Variants in CCSER1 observed in about 807,000 individuals in gnomAD.
CCSER1 encodes coiled-coil serine rich protein 1.
A neutral mutation model predicts 82.0 loss-of-function variants in CCSER1; 41 were observed. The ratio of observed to expected loss-of-function variants is 0.50; its 90% confidence interval spans 0.39 to 0.65. The LOEUF (loss-of-function observed/expected upper bound fraction) is 0.65. CCSER1 is among the 30% of genes least tolerant of loss of function. The probability of loss-of-function intolerance (pLI) is 0.00; values close to 1 mark genes in which losing one functional copy is unlikely to be tolerated. For synonymous variants in CCSER1, 414 were observed against 383.9 expected (o/e 1.08, Z -0.92); for missense variants, 1,119 against 1,064.2 (o/e 1.05, Z -0.72).
intron 10 of CCSER1, among the ~76,000 whole-genome samples, chr4:91,577,685 C>T (rs1046911465): frequency 2.6e-5 from 4 of 152,066 alleles, no homozygotes; most frequent in Middle Eastern, 3.4e-3. Flanking sequence ...TTGAATATTG[C>T]ATTTTATTCA....
At chr4:90,240,214 A>G (rs1746583239) in intron 1 of CCSER1, among the ~76,000 whole-genome samples, 1 of 152,144 alleles carries the variant, frequency 6.6e-6, no homozygotes, top group Non-Finnish European at 1.5e-5. Flanking sequence ...AGAGGACATG[A>G]GCACCCTCCA....
At chr4:90,155,739 T>G (rs1463641811) in intron 1 of CCSER1, among the ~76,000 whole-genome samples, 1 of 152,178 alleles carries the variant, frequency 6.6e-6, no homozygotes, top group African/African-American at 2.4e-5. Context: ...CATTTTTTAT[T>G]GCGTTTATTT....
At chr4:90,136,887 ACTAGCT>A (rs1294036189) in intron 1 of CCSER1, among the ~76,000 whole-genome samples, 1 of 152,198 alleles carries the variant, frequency 6.6e-6, no homozygotes, top group Admixed American at 6.5e-5. Context: ...GGAGGAAAAT[ACTAGCT>A]CTAAACAAGA....
At chr4:90,544,658 G>C (rs904932825) in intron 5 of CCSER1, among the ~76,000 whole-genome samples, 1 of 151,918 alleles carries the variant, frequency 6.6e-6, no homozygotes, top group Non-Finnish European at 1.5e-5. Context: ...CTGAAATTGT[G>C]ACTGAAGAAC....
At chr4:91,411,200 A>T (rs2149371397) in intron 10 of CCSER1, among the ~76,000 whole-genome samples, 1 of 151,880 alleles carries the variant, frequency 6.6e-6, no homozygotes, top group South Asian at 2.1e-4. Context: ...GCATCTGGAG[A>T]AAAGAGGCTT....
At chr4:90,156,525 A>G (rs1187096851) in intron 1 of CCSER1, among the ~76,000 whole-genome samples, 2 of 152,108 alleles carry the variant, frequency 1.3e-5, no homozygotes, top group Non-Finnish European at 2.9e-5. Flanking sequence ...TTTGTAGGTC[A>G]CTGAGGACTT....
At chr4:90,741,906 A>C (rs1746616502) in intron 7 of CCSER1, among the ~76,000 whole-genome samples, 1 of 152,194 alleles carries the variant, frequency 6.6e-6, no homozygotes, top group African/African-American at 2.4e-5. Context: ...GTATTAGTTC[A>C]TTCTCACACT....
intron 8 of CCSER1, among the ~76,000 whole-genome samples, chr4:90,879,540 G>T (rs1050897553): frequency 9.2e-6 from 1 of 108,858 alleles, no homozygotes; most frequent in Non-Finnish European, 1.9e-5. Flanking sequence ...GGAAGAAGAA[G>T]AAAGAAGAAG....
intron 9 of CCSER1, among the ~76,000 whole-genome samples, chr4:90,954,789 T>TA (rs5860212): frequency 0.75 from 113,147 of 151,066 alleles, 43,060 homozygotes; most frequent in Non-Finnish European, 0.82. Context: ...GTACATTTAC[T>TA]AAAAAAAAAT....
intron 10 of CCSER1, among the ~76,000 whole-genome samples, chr4:91,424,821 A>G (rs767302106): frequency 3.3e-5 from 5 of 152,096 alleles, no homozygotes; most frequent in Non-Finnish European, 7.4e-5. Flanking sequence ...ATTAATAGCT[A>G]TTGTTTAATT....
rs561309384 is a variant in CCSER1, at chr4:90,919,393, A to C, written c.2095-3977A>C. Among the ~76,000 whole-genome samples the C allele has an allele frequency of 2.6e-5, 4 of 151,996 alleles. No homozygotes were observed. In the East Asian group the frequency reaches 7.7e-4, roughly 29 times the overall value. ...TGTGTGATATTTACCAACTGATATTAACAAAGTATCAGTTTGCTGTTTTTT... is the reference window on the plus strand; with the variant it reads ...TGTGTGATATTTACCAACTGATATTCACAAAGTATCAGTTTGCTGTTTTTT... On this transcript the variant is annotated intron_variant, in intron 8 of 10. Transcript: ENST00000509176.
At chr4:90,900,099 T>G (rs1188278190) in intron 8 of CCSER1, among the ~76,000 whole-genome samples, 1 of 148,776 alleles carries the variant, frequency 6.7e-6, no homozygotes, top group African/African-American at 2.4e-5. Flanking sequence ...CCAGAGTTTT[T>G]TTTTTTTTTT....
intron 10 of CCSER1, among the ~76,000 whole-genome samples, chr4:91,580,560 G>A (rs1224492841): frequency 6.6e-6 from 1 of 151,748 alleles, no homozygotes; most frequent in Non-Finnish European, 1.5e-5. Context: ...AGTCTGAAAT[G>A]TTTTGCATCA....
intron 5 of CCSER1, among the ~76,000 whole-genome samples, chr4:90,616,086 T>A (rs558451501): frequency 6.6e-5 from 10 of 152,356 alleles, no homozygotes; most frequent in South Asian, 2.1e-4. Context: ...AAATTATTTT[T>A]AAATTAAGGC....
intron 10 of CCSER1, among the ~76,000 whole-genome samples, chr4:91,585,601 A>G (rs1239887129): frequency 1.3e-5 from 2 of 151,538 alleles, no homozygotes; most frequent in Non-Finnish European, 3.0e-5. Context: ...GTATAATTTG[A>G]ATTAAATTCT....
At chr4:90,493,530 A>G (rs927781099) in intron 5 of CCSER1, among the ~76,000 whole-genome samples, 6 of 152,204 alleles carry the variant, frequency 3.9e-5, no homozygotes, top group Non-Finnish European at 5.9e-5. Flanking sequence ...CGGGTTACCC[A>G]CAAAGGGAAG....
chr4:91,428,938 G>A (rs1754139908), intron 10 of CCSER1, among the ~76,000 whole-genome samples: 1 of 151,938 alleles, frequency 6.6e-6, no homozygotes, highest in East Asian at 1.9e-4. Context: ...TATGTGCCAA[G>A]TTTCCTGCAG....
At chr4:90,999,545 T>C (rs930157884) in intron 9 of CCSER1, among the ~76,000 whole-genome samples, 1 of 152,228 alleles carries the variant, frequency 6.6e-6, no homozygotes, top group Non-Finnish European at 1.5e-5. Flanking sequence ...GAAGTGTCTA[T>C]TTATGTCTTC....
At chr4:90,449,444 G>A (rs899087249) in intron 4 of CCSER1, among the ~76,000 whole-genome samples, 1 of 152,182 alleles carries the variant, frequency 6.6e-6, no homozygotes, top group Non-Finnish European at 1.5e-5. Context: ...CTTCACTGGG[G>A]ATCCACCCTT....
Sources: gnomAD v4.1 joint callset for allele counts (sites outside exome capture counted in the v4.1 genomes callset) on GRCh38, gnomAD v4.1.1 for gene constraint, MANE v1.5 for transcripts, NCBI Gene and HGNC (gene_info 2026-07-23, HGNC 2026-07-21) for gene names.